FN1: variants seen among roughly 807,000 people sequenced by gnomAD.
The protein encoded by FN1 is fibronectin 1, also known as fibronectin.
In FN1, 106 loss-of-function variants were observed where a neutral mutation model predicts 297.3. That is an observed-to-expected ratio of 0.36 (90% confidence interval 0.30 to 0.42). The LOEUF (loss-of-function observed/expected upper bound fraction) is 0.42. FN1 is among the 10% of genes least tolerant of loss of function. The pLI is 1.00. For missense variants in FN1, 2,690 were observed against 3,124.9 expected (o/e 0.86, Z 3.32); for synonymous variants, 1,149 against 1,152.6 (o/e 1.00, Z 0.06).
At chr2:215,379,753 G>GC in intron 33 of FN1, 1 of 208,714 alleles carries the variant, frequency 4.8e-6, no homozygotes. Flanking sequence ...CAGTGCAGTG[G>GC]AGTTATCATA....
At chr2:215,384,701 A>AT (rs2058677591) in intron 29 of FN1, 159 bp downstream of exon 29, 2 of 611,002 alleles carry the variant, frequency 3.3e-6, no homozygotes, top group Non-Finnish European at 5.9e-6. Flanking sequence ...AGAACAAATT[A>AT]TATCATCTAT....
Position 215,390,166 on chromosome 2 carries a change from C to T in FN1, c.4252+1466G>A, listed in dbSNP as rs191006456. On this transcript the variant is annotated intron_variant, in intron 26 of 45. Coordinates refer to ENST00000354785, the MANE Select transcript of FN1 (RefSeq NM_212482.4). ...CAATTTACTTAACTGCTGGGGACCT[C>T]GACGGCTTCATGTTTATTTGTTTGT... 1.7e-3 allele frequency among the ~76,000 whole-genome samples: 260 copies of T among 151,806 alleles called. 2 individuals are homozygous for T. The highest frequency in any genetic ancestry group is 2.6e-3 in the Non-Finnish European group (175 of 67,998).
chr2:215,388,339 C>A, intron 26 of FN1, 38 bp from the exon 27 acceptor site: 1 of 1,463,386 alleles, frequency 6.8e-7, no homozygotes, highest in South Asian at 1.1e-5. Flanking sequence ...AAACTCTGCT[C>A]AAAAGCATGA....
chr2:215,361,682 GA>G (rs112429571), intron 45 of FN1, 56 bp from the exon 46 acceptor site: 96 of 1,321,232 alleles, frequency 7.3e-5, no homozygotes, highest in South Asian at 9.5e-5. Flanking sequence ...AAAGTGTACA[GA>G]AAAAAAAATG....
intron 20 of FN1, among the ~76,000 whole-genome samples, chr2:215,399,676 G>C (rs2060760926): frequency 6.6e-6 from 1 of 152,138 alleles, no homozygotes; most frequent in Admixed American, 6.5e-5. Flanking sequence ...CAAGGGGTTA[G>C]ATGTTTGCTA....
intron 20 of FN1, among the ~76,000 whole-genome samples, chr2:215,402,019 G>A (rs1168507577): frequency 6.6e-6 from 1 of 152,002 alleles, no homozygotes; most frequent in African/African-American, 2.4e-5. Context: ...CTTGACTGCT[G>A]GTGACTGTGC....
In FN1 at chr2:215,371,920, C is replaced by T; in HGVS notation, c.6703G>A (p.Glu2235Lys). 6.2e-7 allele frequency: 1 copy of T among 1,613,130 alleles called. No homozygotes were observed. The highest frequency in any genetic ancestry group is 8.5e-7 in the Non-Finnish European group (1 of 1,179,042). ...ISCHPVGTDEEPLQFRVPGTS... is the reference protein window; with the variant it reads ...ISCHPVGTDEKPLQFRVPGTS... ...GAACAATTAATTACCTGTAAGGGTTCTTCATCAGTGCCAACAGGATGACAT... is the reference window on the plus strand; with the variant it reads ...GAACAATTAATTACCTGTAAGGGTTTTTCATCAGTGCCAACAGGATGACAT... The change falls in exon 40 of 46, where the codon GAA becomes AAA. Residue 2235 changes from glutamate (E) to lysine (K), a missense_variant. This residue lies in a region of FN1 where 1,743 missense variants were observed against 1,945.2 expected (regional missense o/e 0.90). Transcript: ENST00000354785.
At chr2:215,371,779 C>T in intron 40 of FN1, 130 bp downstream of exon 40, 1 of 782,362 alleles carries the variant, frequency 1.3e-6, no homozygotes, top group Non-Finnish European at 2.2e-6. Flanking sequence ...TCCCAAAGTG[C>T]TGGGATTACA....
chr2:215,412,085 G>A (rs1241585936), intron 13 of FN1, among the ~76,000 whole-genome samples: 1 of 152,118 alleles, frequency 6.6e-6, no homozygotes, highest in East Asian at 1.9e-4. Context: ...TGAGAGACTA[G>A]AAGATATTGG....
intron 8 of FN1, among the ~76,000 whole-genome samples, chr2:215,423,834 C>T (rs1254904707): frequency 6.6e-6 from 1 of 152,090 alleles, no homozygotes; most frequent in Non-Finnish European, 1.5e-5. Context: ...AACATTCATC[C>T]TTTGTATTCC....
intron 34 of FN1, 46 bp downstream of exon 34, chr2:215,379,084 G>T: frequency 6.7e-7 from 1 of 1,493,366 alleles, no homozygotes; most frequent in Non-Finnish European, 9.3e-7. Flanking sequence ...AACTGTGTTA[G>T]AGATGATCTC....
chr2:215,413,338 C>T (rs62183109), intron 13 of FN1, among the ~76,000 whole-genome samples: 8,174 of 152,218 alleles, frequency 0.054, 272 homozygotes, highest in South Asian at 0.11. Flanking sequence ...AAGCTGGTCT[C>T]GAACTCCTGA....
At chr2:215,377,599 C>G (rs1319026330) in intron 35 of FN1, among the ~76,000 whole-genome samples, 1 of 152,198 alleles carries the variant, frequency 6.6e-6, no homozygotes. Flanking sequence ...CACCATGCTT[C>G]CTGTAAAGCC....
At chr2:215,387,453 C>T (rs1343284499) in intron 27 of FN1, among the ~76,000 whole-genome samples, 1 of 152,110 alleles carries the variant, frequency 6.6e-6, no homozygotes, top group Non-Finnish European at 1.5e-5. Flanking sequence ...GTAATGATGC[C>T]AAACACAAAA....
Position 215,380,909 on chromosome 2 carries a change from T to C in FN1, c.5336A>G (p.Glu1779Gly). Residue 1779 changes from glutamate to glycine, a missense_variant, in exon 33 of 46, where the codon GAG (glutamate) becomes GGG (glycine). This residue lies in a region of FN1 where 1,743 missense variants were observed against 1,945.2 expected (regional missense o/e 0.90). Coordinates refer to ENST00000354785, the MANE Select transcript of FN1 (RefSeq NM_212482.4). Reference protein sequence around the residue: ...PAPDGEEDTAELQGLRPGSEY... With the variant: ...PAPDGEEDTAGLQGLRPGSEY... ...AGAACCCGGTCTGAGGCCTTGCAGC[T>C]CTGCAGTGTCTTCTTCACCATCAGG... 1 of 1,614,218 alleles carries C rather than the reference T, an allele frequency of 6.2e-7. No homozygotes were observed.
Position 215,375,735 on chromosome 2 carries a change from G to A in FN1, c.5888-17C>T, listed in dbSNP as rs757092568. On this transcript the variant is annotated splice_polypyrimidine_tract_variant and intron_variant, in intron 36 of 45. Coordinates refer to ENST00000354785, the MANE Select transcript of FN1 (RefSeq NM_212482.4). Reference sequence around the variant, plus strand: ...GTTGTAAACCTGGGATTTGAGAAGAGATGATTTTTAACAGTTCTTGCTTTT... The same window carrying A: ...GTTGTAAACCTGGGATTTGAGAAGAAATGATTTTTAACAGTTCTTGCTTTT... The A allele has an allele frequency of 2.1e-5, 32 of 1,536,722 alleles. No homozygotes were observed.
chr2:215,366,794 A>C (rs2054706268), intron 42 of FN1, among the ~76,000 whole-genome samples: 1 of 152,158 alleles, frequency 6.6e-6, no homozygotes. Context: ...AATTGCACCT[A>C]AGTGCTCAAA....
At chr2:215,374,752 A>G (rs1469432013) in intron 38 of FN1, among the ~76,000 whole-genome samples, 3 of 152,236 alleles carry the variant, frequency 2.0e-5, no homozygotes, top group African/African-American at 7.2e-5. Context: ...TCCCCATTCC[A>G]GGCATTCTTC....
At chr2:215,380,463 T>A (rs928338731) in intron 33 of FN1, 20 of 293,738 alleles carry the variant, frequency 6.8e-5, no homozygotes, top group African/African-American at 4.4e-4. Flanking sequence ...TTCCTTTTTA[T>A]AAGTAAGCTC....
Sources: gnomAD v4.1 joint callset for allele counts (sites outside exome capture counted in the v4.1 genomes callset) on GRCh38, gnomAD v4.1.1 for gene constraint, gnomAD v4.1.1 regional missense constraint, MANE v1.5 for transcripts, NCBI Gene and HGNC (gene_info 2026-07-23, HGNC 2026-07-21) for gene names.